The following PTPRR variants were observed in gnomAD, a reference collection of about 807,000 sequenced individuals.
The protein encoded by PTPRR is protein tyrosine phosphatase receptor type R.
PTPRR carries 38 observed loss-of-function variants against 77.2 expected under a neutral mutation model. The ratio of observed to expected loss-of-function variants is 0.49; its 90% CI spans 0.38 to 0.65. PTPRR has a LOEUF of 0.65. Among genes scored for constraint, PTPRR ranks in the 30% least tolerant of loss-of-function variants. PTPRR has a pLI of 0.00. For synonymous variants in PTPRR, 299 were observed against 283.1 expected (o/e 1.06, Z -0.57); for missense variants, 744 against 799.2 (o/e 0.93, Z 0.83).
At chr12:70,869,834 C>T (rs1892931052) in intron 2 of PTPRR, among the ~76,000 whole-genome samples, 1 of 152,156 alleles carries the variant, frequency 6.6e-6, no homozygotes, top group Non-Finnish European at 1.5e-5. Flanking sequence ...GACACCTTGA[C>T]ATTAGCCAAA....
intron 6 of PTPRR, among the ~76,000 whole-genome samples, chr12:70,705,196 T>C (rs986314232): frequency 6.6e-6 from 1 of 152,136 alleles, no homozygotes; most frequent in Admixed American, 6.6e-5. Context: ...CAACTTTGGG[T>C]CAAAATTGTT....
At chr12:70,912,025 CCTTT>C (rs1893707997) in intron 1 of PTPRR, among the ~76,000 whole-genome samples, 1 of 152,104 alleles carries the variant, frequency 6.6e-6, no homozygotes, top group Admixed American at 6.5e-5. Flanking sequence ...TAAATTTTCT[CCTTT>C]CTTCTGTTTA....
chr12:70,715,574 G>A (rs932832462), intron 6 of PTPRR, among the ~76,000 whole-genome samples: 1 of 152,128 alleles, frequency 6.6e-6, no homozygotes, highest in Non-Finnish European at 1.5e-5. Flanking sequence ...AGATGGCCAC[G>A]CCCAGGGGGG....
chr12:70,803,734 C>A (rs778364005), intron 2 of PTPRR, among the ~76,000 whole-genome samples: 12 of 152,108 alleles, frequency 7.9e-5, no homozygotes, highest in Non-Finnish European at 1.8e-4. Context: ...TATCAGAAGG[C>A]AGGTCAGTTT....
At chr12:70,717,458 G>T (rs1436439644) in intron 6 of PTPRR, among the ~76,000 whole-genome samples, 3 of 152,128 alleles carry the variant, frequency 2.0e-5, no homozygotes, top group Non-Finnish European at 4.4e-5. Context: ...ATACACAAAT[G>T]AGTCTAAGTA....
intron 13 of PTPRR, among the ~76,000 whole-genome samples, chr12:70,646,689 C>T (rs187090656): frequency 6.6e-5 from 10 of 152,200 alleles, no homozygotes; most frequent in African/African-American, 9.6e-5. Flanking sequence ...TTAAAATAAG[C>T]AAATCAAAAT....
chr12:70,748,595 T>C (rs574333598), intron 5 of PTPRR, among the ~76,000 whole-genome samples: 112 of 152,044 alleles, frequency 7.4e-4, no homozygotes, highest in African/African-American at 2.4e-3. Flanking sequence ...ACTCAAACTA[T>C]AGCAAGAGAA....
chr12:70,698,144 T>G (rs1028967983), intron 8 of PTPRR, 121 bp downstream of exon 8: 4 of 679,962 alleles, frequency 5.9e-6, no homozygotes, highest in Non-Finnish European at 1.0e-5. Context: ...GGTATACATG[T>G]GCCATTGTGG....
At chr12:70,648,231 T>C (rs1886270193) in intron 13 of PTPRR, among the ~76,000 whole-genome samples, 1 of 152,158 alleles carries the variant, frequency 6.6e-6, no homozygotes, top group Admixed American at 6.5e-5. Context: ...TTCCTGAGGC[T>C]AGATTTTAAA....
At chr12:70,867,239 G>C (rs1280135776) in intron 2 of PTPRR, among the ~76,000 whole-genome samples, 2 of 152,054 alleles carry the variant, frequency 1.3e-5, no homozygotes, top group East Asian at 3.9e-4. Context: ...AGGAAAAGAG[G>C]AAGTCAAATT....
In PTPRR at chr12:70,802,731, T is replaced by C. The variant is rs555810490; in HGVS notation, c.358-37953A>G. On this transcript the variant is annotated intron_variant, in intron 2 of 13. Coordinates refer to ENST00000283228, the MANE Select transcript of PTPRR (RefSeq NM_002849.4). ...TTTCAGATGTCTATGCCAGGGATTC[T>C]TTCTCTTTGTTTCCAACATTTATAA... Among the ~76,000 whole-genome samples the C allele has an allele frequency of 2.0e-5, 3 of 152,346 alleles. No individual in the cohort carries two copies. In the South Asian group the frequency reaches 6.2e-4, roughly 32 times the overall value.
At chr12:70,754,358 T>C (rs1481653175) in intron 4 of PTPRR, 57 bp from the exon 5 acceptor site, 10 of 1,604,002 alleles carry the variant, frequency 6.2e-6, no homozygotes, top group Non-Finnish European at 8.5e-6. Flanking sequence ...AAACTGGCGT[T>C]CTTATCAGAC....
intron 5 of PTPRR, among the ~76,000 whole-genome samples, chr12:70,747,017 T>C (rs1405758612): frequency 6.6e-6 from 1 of 152,146 alleles, no homozygotes; most frequent in Non-Finnish European, 1.5e-5. Context: ...ATCACATGAA[T>C]GAGAAAGAAA....
At chr12:70,762,201 A>G (rs1425429758) in intron 3 of PTPRR, among the ~76,000 whole-genome samples, 1 of 152,138 alleles carries the variant, frequency 6.6e-6, no homozygotes, top group Non-Finnish European at 1.5e-5. Context: ...TTATGTAGTG[A>G]TGTCATGAGA....
In PTPRR at chr12:70,740,639, C is replaced by T. The variant is rs114084439; in HGVS notation, c.1007+5179G>A. 6.6e-3 allele frequency among the ~76,000 whole-genome samples: 1,011 copies of T among 152,102 alleles called. 13 individuals are homozygous for T. Among genetic ancestry groups the T allele is most frequent in the African/African-American group, 0.023 (950 of 41,526 alleles). ...CATTTAGTCTCTAGATCTTATTTGA[C>T]TTATCTTTTAATTTTAAAATTATAT... On this transcript the variant is annotated intron_variant, in intron 6 of 13. Coordinates refer to ENST00000283228, the MANE Select transcript of PTPRR (RefSeq NM_002849.4).
chr12:70,769,821 A>G (rs1472918298), intron 2 of PTPRR, among the ~76,000 whole-genome samples: 5 of 152,214 alleles, frequency 3.3e-5, no homozygotes, highest in Admixed American at 2.6e-4. Flanking sequence ...GATATAGATC[A>G]ATGGAACAGA....
chr12:70,639,069 A>C lies in PTPRR; in HGVS notation c.*115T>G. ...CAGTCTTCCACAATCCATGCCATAC[A>C]TGGGCTTCAGAGCTTCTCCTTCCTT... is the stretch of plus-strand genomic sequence containing the variant. On this transcript the variant is annotated 3_prime_UTR_variant, in exon 14 of 14. Transcript: ENST00000283228. The C allele has an allele frequency of 2.4e-6, 2 of 833,910 alleles. No homozygotes were observed. 51.7% of individuals were successfully genotyped at this position (833,910 alleles called of 1,614,324 possible).
chr12:70,916,192 CA>C (rs1218863675), intron 1 of PTPRR, among the ~76,000 whole-genome samples: 2 of 151,928 alleles, frequency 1.3e-5, no homozygotes, highest in African/African-American at 4.8e-5. Context: ...ACCTCATTAA[CA>C]AGGTAATATT....
intron 10 of PTPRR, 48 bp downstream of exon 10, chr12:70,684,079 A>T (rs1188032792): frequency 6.3e-7 from 1 of 1,585,026 alleles, no homozygotes; most frequent in South Asian, 1.1e-5. Flanking sequence ...TATCTCTTCT[A>T]TAGCAACAGA....
Sources: gnomAD v4.1 joint callset for allele counts (sites outside exome capture counted in the v4.1 genomes callset) on GRCh38, gnomAD v4.1.1 for gene constraint, MANE v1.5 for transcripts, NCBI Gene and HGNC (gene_info 2026-07-23, HGNC 2026-07-21) for gene names.